EIF4A1: variants seen among roughly 807,000 people sequenced by gnomAD.
EIF4A1 encodes eukaryotic initiation factor 4A-I.
In EIF4A1, 11 loss-of-function variants were observed where a neutral mutation model predicts 53.5. The ratio of observed to expected loss-of-function variants is 0.21; its 90% CI spans 0.13 to 0.34. The LOEUF is 0.34. EIF4A1 is among the 10% of genes least tolerant of loss of function. The pLI is 1.00. For synonymous variants in EIF4A1, 237 were observed against 186.7 expected (o/e 1.27, Z -2.20); for missense variants, 213 against 530.8 (o/e 0.40, Z 5.88).
chr17:7,574,196 G>C, intron 1 of EIF4A1, 64 bp from the exon 2 acceptor site: 2 of 1,588,450 alleles, frequency 1.3e-6, no homozygotes, highest in Non-Finnish European at 1.7e-6. Context: ...GACAGAGCCC[G>C]GCTGTCAGGA....
intron 3 of EIF4A1, 83 bp from the exon 4 acceptor site, chr17:7,575,032 GTTGC>G: frequency 6.5e-7 from 1 of 1,545,418 alleles, no homozygotes; most frequent in Non-Finnish European, 8.8e-7. Context: ...TGGTTCATTG[GTTGC>G]TTATTGACCT....
chr17:7,573,192 G>C (rs1334138981), intron 1 of EIF4A1: 5 of 522,616 alleles, frequency 9.6e-6, no homozygotes, highest in South Asian at 6.3e-5. Flanking sequence ...GGAGGCGGCC[G>C]CCACTATGTG....
At chr17:7,574,797 A>G (rs1205094045) in intron 3 of EIF4A1, 119 bp downstream of exon 3, 3 of 1,549,956 alleles carry the variant, frequency 1.9e-6, no homozygotes, top group African/African-American at 1.4e-5. Context: ...TGTTCATCCC[A>G]GCTTGGCTTT....
At chr17:7,573,004 C>G in intron 1 of EIF4A1, 140 bp downstream of exon 1, 1 of 1,495,882 alleles carries the variant, frequency 6.7e-7, no homozygotes, top group African/African-American at 1.4e-5. Context: ...CTTGGAGGGG[C>G]GAGGGGGAAG....
chr17:7,576,863 T>TA, intron 5 of EIF4A1, 171 bp downstream of exon 5: 4 of 1,364,454 alleles, frequency 2.9e-6, no homozygotes, highest in East Asian at 2.3e-5. Flanking sequence ...TCCCTGCCAG[T>TA]GCAGCCCTGG....
Position 7,575,329 on chromosome 17 carries a change from A to C in EIF4A1, c.345+71A>C, listed in dbSNP as rs765838169. 9 of 1,604,430 alleles carry C rather than the reference A, an allele frequency of 5.6e-6. No individual in the cohort carries two copies. In the African/African-American group the frequency reaches 9.4e-5, roughly 17 times the overall value. On this transcript the variant is annotated intron_variant, in intron 4 of 10. Transcript: ENST00000293831. ...ATGAGTATAATCCAAGGACCAGAGA[A>C]GTCTTCTCTGATCACCACCTTGGGA...
At position 7,578,034 on chromosome 17, in the gene EIF4A1, A is replaced by G. The variant is rs2071425525; in HGVS notation, c.996+118A>G. The G allele has an allele frequency of 3.2e-6, 5 of 1,562,982 alleles. No homozygotes were observed. In the South Asian group the frequency reaches 3.3e-5, roughly 10 times the overall value. ...GCTTGGAATAGAATCTGGCATGCCT[A>G]AGGCCTTTGGGGAACTGGGATGCTT... On this transcript the variant is annotated intron_variant, in intron 9 of 10. Transcript: ENST00000293831.
chr17:7,577,212 A>C lies in EIF4A1; in HGVS notation c.624+47A>C. The C allele has an allele frequency of 1.3e-6, 2 of 1,566,908 alleles. No individual in the cohort carries two copies. The highest frequency in any genetic ancestry group is 1.7e-6 in the Non-Finnish European group (2 of 1,160,316). On this transcript the variant is annotated intron_variant, in intron 6 of 10. Coordinates refer to ENST00000293831, the MANE Select transcript of EIF4A1 (RefSeq NM_001416.4). This position sits in a 1 kb window ranked among gnomAD's most constrained non-coding sequence, Gnocchi z 4.7. The stretch of plus-strand genomic sequence containing the variant: ...TAGCTAATGATTCTTGAAAAATAGT[A>C]AGTGCCAGGGGAACCATATACTGGA...
chr17:7,575,552 G>A, intron 4 of EIF4A1: 2 of 492,408 alleles, frequency 4.1e-6, no homozygotes, highest in South Asian at 3.9e-5. Flanking sequence ...ATCCCTTGGT[G>A]TGGGGGTGAT....
chr17:7,573,036 CAGGTCGAGGCGGAGGGT>C (rs899147908), intron 1 of EIF4A1, among the ~76,000 whole-genome samples, 172 bp downstream of exon 1: 7 of 152,112 alleles, frequency 4.6e-5, no homozygotes, highest in African/African-American at 1.4e-4. Context: ...ACGCGGCCAC[CAGGTCGAGGCGGAGGGT>C]AGGGACAGCC....
At position 7,574,684 on chromosome 17, in the gene EIF4A1, A is replaced by T; in HGVS notation, c.205+6A>T. 1.2e-6 allele frequency: 2 copies of T among 1,612,110 alleles called. No homozygotes were observed. Among genetic ancestry groups the T allele is most frequent in the Non-Finnish European group, 1.7e-6 (2 of 1,179,964 alleles). ...CATTCTACCTTGTATCAAGGGTGAG[A>T]CCTCTCAGTCCCAGAAGACATTGTG... On this transcript the variant is annotated splice_donor_region_variant and intron_variant, in intron 3 of 10. Coordinates refer to ENST00000293831, the MANE Select transcript of EIF4A1 (RefSeq NM_001416.4).
At chr17:7,575,454 G>C in intron 4 of EIF4A1, 196 bp downstream of exon 4, 1 of 877,806 alleles carries the variant, frequency 1.1e-6, no homozygotes, top group Non-Finnish European at 1.8e-6. Context: ...CATTTCCTGA[G>C]TCAAATGGGA....
rs974728607 is a variant in EIF4A1 at position 7,578,414 on chromosome 17, T to C, written c.1149T>C (p.Thr383=). 6.2e-7 allele frequency: 1 copy of C among 1,613,882 alleles called. No homozygotes were observed. Among genetic ancestry groups the C allele is most frequent in the Admixed American group, 1.7e-5 (1 of 59,994 alleles). The stretch of plus-strand genomic sequence containing the variant: ...TGGTGACAGAAGAAGACAAGAGGAC[T>C]CTTCGAGACATTGAGACCTTCTACA... ...INMVTEEDKR[T]LRDIETFYNT... Residue 383 remains threonine, a synonymous_variant, in exon 11 of 11, where the codon ACT becomes ACC. Coordinates refer to ENST00000293831, the MANE Select transcript of EIF4A1 (RefSeq NM_001416.4).
chr17:7,577,724 C>T lies in EIF4A1; in HGVS notation c.906+18C>T. Reference sequence around the variant, plus strand: ...CCGCCATGGTGTGTTTGCCCGCTGCCAGCCTGTTGTGGGTCTGCCCGTCAG... The same window carrying T: ...CCGCCATGGTGTGTTTGCCCGCTGCTAGCCTGTTGTGGGTCTGCCCGTCAG... On this transcript the variant is annotated intron_variant, in intron 8 of 10. Transcript: ENST00000293831. The surrounding 1 kb of genome is among the most constrained non-coding windows in gnomAD (Gnocchi z 4.7). 1 of 1,613,712 alleles carries T rather than the reference C, an allele frequency of 6.2e-7. No homozygotes were observed. The highest frequency in any genetic ancestry group is 8.5e-7 in the Non-Finnish European group (1 of 1,179,984).
Position 7,576,513 on chromosome 17 carries a change from T to C in EIF4A1, c.346-11T>C. ...TAACTGACATATGAGCACCTGCCTCTCTCTGCTCAGATACAGAAGGTGGTC... is the reference window on the plus strand; with the variant it reads ...TAACTGACATATGAGCACCTGCCTCCCTCTGCTCAGATACAGAAGGTGGTC... On this transcript the variant is annotated splice_polypyrimidine_tract_variant and intron_variant, in intron 4 of 10. Transcript: ENST00000293831. The C allele has an allele frequency of 1.3e-6, 2 of 1,560,054 alleles. No individual in the cohort carries two copies. The highest frequency in any genetic ancestry group is 1.7e-6 in the Non-Finnish European group (2 of 1,151,866).
rs748488608 is a variant in EIF4A1 at position 7,576,950 on chromosome 17, A to AGC, written c.515-105_515-104dup. 12 of 1,403,702 alleles carry AGC rather than the reference A, an allele frequency of 8.5e-6. No homozygotes were observed. The Admixed American group carries it at 2.0e-4, about 24-fold the overall frequency. 87.0% of individuals were successfully genotyped at this position (1,403,702 alleles called of 1,614,324 possible). On this transcript the variant is annotated intron_variant, in intron 5 of 10. Transcript: ENST00000293831. Reference sequence around the variant, plus strand: ...AAAGGATCAGTCTTTGTACTCTGAGAGCAGACTACTTGGCTCCTCTCTGTT... The same window carrying AGC: ...AAAGGATCAGTCTTTGTACTCTGAGAGCGCAGACTACTTGGCTCCTCTCTGTT...
At position 7,572,863 on chromosome 17, in the gene EIF4A1, C is replaced by T. The variant is rs928267905; in HGVS notation, c.22C>T (p.Arg8Ter). Residue 8 changes from arginine (R) to a stop codon, truncating the protein, a stop_gained and splice_region_variant, in exon 1 of 11, where the codon CGA (arginine) becomes TGA (stop). Transcript: ENST00000293831. LOFTEE classifies it high-confidence loss of function. ...GATCATGTCTGCGAGCCAGGATTCC[C>T]GGTAAGAAAGGCATTTGCAAGAGAT... MSASQDS[R>*]SRDNGPDGME... The T allele has an allele frequency of 6.2e-7, 1 of 1,614,136 alleles. No individual in the cohort carries two copies. Among genetic ancestry groups the T allele is most frequent in the African/African-American group, 1.3e-5 (1 of 75,062 alleles).
rs1241166690 is a variant in EIF4A1 at position 7,578,736 on chromosome 17, C to T, written c.*250C>T. On this transcript the variant is annotated 3_prime_UTR_variant, in exon 11 of 11. Coordinates refer to ENST00000293831, the MANE Select transcript of EIF4A1 (RefSeq NM_001416.4). ...AAAAAACACTAATCCATTTCCCTAA[C>T]CTAGTAACCTCCAGATCCCAGAGGC... The T allele has an allele frequency of 1.6e-5, 5 of 314,504 alleles. No homozygotes were observed. Among genetic ancestry groups the T allele is most frequent in the Admixed American group, 9.2e-5 (2 of 21,816 alleles). The allele number at this position is 314,504 out of a possible 1,614,324, so 19.5% of individuals were successfully genotyped here.
In EIF4A1 at chr17:7,577,329, C is replaced by G; in HGVS notation, c.625-15C>G. On this transcript the variant is annotated splice_polypyrimidine_tract_variant and intron_variant, in intron 6 of 10. Transcript: ENST00000293831. The surrounding 1 kb of genome is among the most constrained non-coding windows in gnomAD (Gnocchi z 4.7). ...AAGGAACCAGCACTCTAAGACTGGC[C>G]TTTTTTTCCACTAGGTAGTTTTGCT... 1 of 1,613,764 alleles carries G rather than the reference C, an allele frequency of 6.2e-7. No individual in the cohort carries two copies. The highest frequency in any genetic ancestry group is 1.1e-5 in the South Asian group (1 of 91,030).
Sources: gnomAD v4.1 joint callset for allele counts (sites outside exome capture counted in the v4.1 genomes callset) on GRCh38, gnomAD v4.1.1 for gene constraint, Gnocchi (gnomAD v3.1) non-coding constraint, MANE v1.5 for transcripts, NCBI Gene and HGNC (gene_info 2026-07-23, HGNC 2026-07-21) for gene names.